The following FKBP11 variants were observed in gnomAD, a reference collection of about 807,000 sequenced individuals.
The protein encoded by FKBP11 is FKBP prolyl isomerase 11, also known as peptidyl-prolyl cis-trans isomerase FKBP11.
FKBP11 carries 21 observed loss-of-function variants against 24.7 expected under a neutral mutation model. That is an observed-to-expected ratio of 0.85 (90% confidence interval 0.60 to 1.23). FKBP11 has a LOEUF of 1.23. Ranked by LOEUF, FKBP11 falls within the 50% of genes most tolerant of loss-of-function variation. FKBP11 has a pLI of 0.00. For synonymous variants in FKBP11, 106 were observed against 100.6 expected, an observed-to-expected ratio of 1.05 and a Z score of -0.32; for missense variants, 245 against 248.7, an observed-to-expected ratio of 0.99 and a Z score of 0.10.
chr12:48,934,699 A>G, the FKBP11 span, among the ~76,000 whole-genome samples: 2 of 152,172 alleles, frequency 1.3e-5, no homozygotes, highest in Admixed American at 6.5e-5. Flanking sequence ...GCTCTGAAAG[A>G]TATCTATTTG....
chr12:48,923,584 T>A, intron 5 of FKBP11, 198 bp downstream of exon 5: 2 of 1,551,952 alleles, frequency 1.3e-6, no homozygotes, highest in Non-Finnish European at 1.7e-6. Context: ...CCAGGTGGCC[T>A]CATCAGGTTG....
the FKBP11 span, chr12:48,938,380 G>A: frequency 1.5e-5 from 7 of 454,216 alleles, no homozygotes; most frequent in African/African-American, 2.0e-5. Context: ...ACAGGCTCCA[G>A]TGGGCAGTGT....
chr12:48,930,220 AT>A (rs1405961243), upstream of FKBP11, among the ~76,000 whole-genome samples: 2 of 152,248 alleles, frequency 1.3e-5, no homozygotes, highest in Admixed American at 1.3e-4. Flanking sequence ...ACAAATGTAT[AT>A]ATACCCTAAG....
chr12:48,927,385 G>A (rs909155526), upstream of FKBP11, among the ~76,000 whole-genome samples: 1 of 152,064 alleles, frequency 6.6e-6, no homozygotes, highest in African/African-American at 2.4e-5. Flanking sequence ...GGAATTTCTA[G>A]GGGTGATGAA....
chr12:48,928,358 T>TC (rs1940007574), upstream of FKBP11, among the ~76,000 whole-genome samples: 1 of 151,822 alleles, frequency 6.6e-6, no homozygotes, highest in Non-Finnish European at 1.5e-5. Context: ...CTTTTTTTTT[T>TC]TCTTTTGACC....
At chr12:48,928,365 G>A (rs1376510658), upstream of FKBP11, among the ~76,000 whole-genome samples, 2 of 145,202 alleles carry the variant, frequency 1.4e-5, no homozygotes, top group Admixed American at 6.8e-5. Flanking sequence ...TTTTTCTTTT[G>A]ACCGAGTCTC....
the FKBP11 span, chr12:48,938,911 G>A: frequency 1.9e-6 from 3 of 1,603,266 alleles, no homozygotes; most frequent in Admixed American, 5.0e-5. Context: ...GGTATGTCAG[G>A]GGTGGGTGGG....
the FKBP11 span, chr12:48,936,213 T>A: frequency 6.6e-6 from 1 of 152,658 alleles, no homozygotes. Flanking sequence ...CAAAGCTGCA[T>A]AAAACAAGTT....
chr12:48,935,131 G>GTTTTCTT, the FKBP11 span, among the ~76,000 whole-genome samples: 1 of 151,996 alleles, frequency 6.6e-6, no homozygotes, highest in Admixed American at 6.6e-5. Context: ...GGAGGAAAGT[G>GTTTTCTT]TCATCTGATC....
the FKBP11 span, among the ~76,000 whole-genome samples, chr12:48,932,782 G>C: frequency 1.3e-5 from 2 of 152,118 alleles, no homozygotes; most frequent in Non-Finnish European, 1.5e-5. Context: ...AGGTGGAAGT[G>C]GGGGGAAGCA....
upstream of FKBP11, among the ~76,000 whole-genome samples, chr12:48,931,128 T>TAAAAAAAAAAAA (rs35482677): frequency 1.4e-4 from 5 of 36,204 alleles, no homozygotes; most frequent in East Asian, 2.9e-3. Flanking sequence ...GACTCCAGCT[T>TAAAAAAAAAAAA]AAAAAAAAAA....
rs1431200569 is a variant in FKBP11 at position 48,924,655 on chromosome 12, G to A, written c.196-7C>T. The stretch of plus-strand genomic sequence containing the variant: ...GTCCATCTACCAAGCTTCCCTGGGG[G>A]GAGAGAGCATCAAGAGCATACATCT... On this transcript the variant is annotated splice_region_variant and splice_polypyrimidine_tract_variant and intron_variant, in intron 2 of 5. Coordinates refer to ENST00000550765, the MANE Select transcript of FKBP11 (RefSeq NM_016594.3). 2 of 1,613,076 alleles carry A rather than the reference G, an allele frequency of 1.2e-6. No homozygotes were observed. Among genetic ancestry groups the A allele is most frequent in the Admixed American group, 1.7e-5 (1 of 59,986 alleles).
In FKBP11 at chr12:48,921,990, C is replaced by A. The variant is rs964972352; in HGVS notation, c.600G>T (p.Lys200Asn). ...TTTTAAAATTTATTATTTATTATTT[C>A]TTTTTGCTCTTGTTTCGTTTCTCTT... ...LKEEKRNKSK[K>N]K Residue 200 changes from lysine (K) to asparagine (N), a missense_variant, in exon 6 of 6, where the codon AAG becomes AAT. Physicochemically the swap from Lys to Asn is moderately conservative, Grantham distance 94. Coordinates refer to ENST00000550765, the MANE Select transcript of FKBP11 (RefSeq NM_016594.3). 1.1e-5 allele frequency: 18 copies of A among 1,588,078 alleles called. No homozygotes were observed. Among genetic ancestry groups the A allele is most frequent in the Non-Finnish European group, 1.5e-5 (18 of 1,170,866 alleles).
At chr12:48,926,108 C>T (rs1329255030), upstream of FKBP11, 1 of 152,192 alleles carries the variant, frequency 6.6e-6, no homozygotes, top group African/African-American at 2.4e-5. Context: ...AGCTGTTATC[C>T]TGTAAGAACA....
Position 48,922,053 on chromosome 12 carries a change from C to G in FKBP11, c.537G>C (p.Lys179Asn). Residue 179 changes from lysine (K) to asparagine (N), a missense_variant, in exon 6 of 6, where the codon AAG (lysine) becomes AAC (asparagine). Physicochemically the swap from Lys to Asn is moderately conservative, Grantham distance 94. Coordinates refer to ENST00000550765, the MANE Select transcript of FKBP11 (RefSeq NM_016594.3). ...LGLIGYHLYR[K>N]ANRPKVSKKK... ...TTTTGGAGACTTTGGGTCTATTGGC[C>G]TTTCTGTATAGGTGATACCCAATGA... 1.2e-6 allele frequency: 2 copies of G among 1,613,880 alleles called. No individual in the cohort carries two copies. The highest frequency in any genetic ancestry group is 1.7e-6 in the Non-Finnish European group (2 of 1,179,916).
At chr12:48,938,962 G>C in the FKBP11 span, 1 of 1,612,204 alleles carries the variant, frequency 6.2e-7, no homozygotes, top group Non-Finnish European at 8.5e-7. Context: ...TCTTGTTTTT[G>C]AGCTGATTGG....
chr12:48,924,771 T>C, intron 2 of FKBP11, 123 bp from the exon 3 acceptor site: 1 of 1,506,316 alleles, frequency 6.6e-7, no homozygotes, highest in South Asian at 1.3e-5. Context: ...GCGTTCCCCT[T>C]ACCGCTGTAA....
chr12:48,933,245 G>C, the FKBP11 span, among the ~76,000 whole-genome samples: 98 of 152,158 alleles, frequency 6.4e-4, no homozygotes, highest in African/African-American at 2.2e-3. Flanking sequence ...CAGCAATCAG[G>C]GTCAGGAAAC....
upstream of FKBP11, among the ~76,000 whole-genome samples, chr12:48,927,592 C>T (rs548133482): frequency 6.6e-6 from 1 of 152,134 alleles, no homozygotes; most frequent in African/African-American, 2.4e-5. Context: ...AAGTTCTGGC[C>T]AAGAGAACAT....
Sources: gnomAD v4.1 joint callset for allele counts (sites outside exome capture counted in the v4.1 genomes callset) on GRCh38, gnomAD v4.1.1 for gene constraint, MANE v1.5 for transcripts, NCBI Gene and HGNC (gene_info 2026-07-23, HGNC 2026-07-21) for gene names.